FUT9: variants seen among roughly 807,000 people sequenced by gnomAD.
FUT9 encodes 4-galactosyl-N-acetylglucosaminide 3-alpha-L-fucosyltransferase 9.
A neutral mutation model predicts 29.7 loss-of-function variants in FUT9; 15 were observed. The ratio of observed to expected loss-of-function variants is 0.51; its 90% CI spans 0.34 to 0.78. The LOEUF is 0.78. Ranked by LOEUF, FUT9 falls within the 30% of genes least tolerant of loss-of-function variation. The pLI is 0.01. For missense variants in FUT9, 319 were observed against 425.4 expected (o/e 0.75, Z 2.20); for synonymous variants, 169 against 153.7 (o/e 1.10, Z -0.74).
intron 1 of FUT9, among the ~76,000 whole-genome samples, chr6:96,066,306 A>G (rs1160432171): frequency 6.6e-6 from 1 of 151,160 alleles, no homozygotes; most frequent in Non-Finnish European, 1.5e-5. Context: ...ACATTTGTAT[A>G]TCAATATAAT....
Position 96,203,962 on chromosome 6 carries a change from T to G in FUT9, c.807T>G (p.Val269=), listed in dbSNP as rs764222104. 1 of 1,613,722 alleles carries G rather than the reference T, an allele frequency of 6.2e-7. No individual in the cohort carries two copies. Among genetic ancestry groups the G allele is most frequent in the Non-Finnish European group, 8.5e-7 (1 of 1,179,816 alleles). Residue 269 remains valine, a synonymous_variant, in exon 3 of 3, where the codon GTT becomes GTG. Coordinates refer to ENST00000302103, the MANE Select transcript of FUT9 (RefSeq NM_006581.4). ...TTCTGGCTGGCTCTGTACCTGTTGT[T>G]CTGGGACCATCTAGGGAAAACTATG... The part of the protein sequence containing the change: ...NAFLAGSVPV[V]LGPSRENYEN...
At chr6:96,112,616 G>C (rs1186924458) in intron 1 of FUT9, among the ~76,000 whole-genome samples, 4 of 152,178 alleles carry the variant, frequency 2.6e-5, no homozygotes, top group African/African-American at 9.7e-5. Context: ...AAAAATGCAA[G>C]TGTTTGAGGG....
At chr6:96,073,019 GAACA>G (rs559893970) in intron 1 of FUT9, among the ~76,000 whole-genome samples, 4 of 152,282 alleles carry the variant, frequency 2.6e-5, no homozygotes, top group South Asian at 2.1e-4. Context: ...AGATACACAT[GAACA>G]AACAATCAGA....
intron 2 of FUT9, among the ~76,000 whole-genome samples, chr6:96,134,482 G>C (rs1019019629): frequency 7.9e-5 from 12 of 151,808 alleles, no homozygotes; most frequent in African/African-American, 2.9e-4. Flanking sequence ...TGCAAACAAT[G>C]CTCTATTGTT....
intron 1 of FUT9, among the ~76,000 whole-genome samples, chr6:96,021,303 A>G (rs1197379911): frequency 6.6e-6 from 1 of 151,852 alleles, no homozygotes. Context: ...TTTTTGGACA[A>G]TGCAGGAACC....
chr6:96,045,602 A>G (rs1339483838), intron 1 of FUT9, among the ~76,000 whole-genome samples: 1 of 152,204 alleles, frequency 6.6e-6, no homozygotes, highest in African/African-American at 2.4e-5. Flanking sequence ...GATAGCAAAT[A>G]CTATTGAAAT....
At chr6:96,075,975 G>T (rs367565658) in intron 1 of FUT9, among the ~76,000 whole-genome samples, 22 of 152,162 alleles carry the variant, frequency 1.4e-4, no homozygotes, top group African/African-American at 5.3e-4. Flanking sequence ...ATACCAGAAA[G>T]GATAGTTACA....
intron 2 of FUT9, among the ~76,000 whole-genome samples, chr6:96,148,067 G>GC (rs1772607087): frequency 6.6e-6 from 1 of 151,800 alleles, no homozygotes; most frequent in Admixed American, 6.6e-5. Context: ...AAACTGGGCA[G>GC]CCCATGTGCA....
At position 96,074,823 on chromosome 6, in the gene FUT9, C is replaced by A. The variant is rs532241282; in HGVS notation, c.-97-39216C>A. Among the ~76,000 whole-genome samples, 11 of 152,164 alleles carry A rather than the reference C, an allele frequency of 7.2e-5. No homozygotes were observed. The South Asian group carries it at 2.3e-3, about 32-fold the overall frequency. On this transcript the variant is annotated intron_variant, in intron 1 of 2. Coordinates refer to ENST00000302103, the MANE Select transcript of FUT9 (RefSeq NM_006581.4). ...ACAGGGTCTCATTCTGTCTCCCAGG[C>A]TGGAGTGCTGTGGTATGAACACAGC...
At chr6:96,048,527 G>A (rs1012077069) in intron 1 of FUT9, among the ~76,000 whole-genome samples, 1 of 152,190 alleles carries the variant, frequency 6.6e-6, no homozygotes, top group African/African-American at 2.4e-5. Flanking sequence ...TTCCAAATTG[G>A]ACAAAAGGAT....
At chr6:96,190,843 T>C (rs1562158772) in intron 2 of FUT9, among the ~76,000 whole-genome samples, 2 of 152,180 alleles carry the variant, frequency 1.3e-5, no homozygotes, top group African/African-American at 2.4e-5. Context: ...TTCTTTGCGA[T>C]GGGTTCAAAC....
At chr6:96,143,175 G>C (rs1772497551) in intron 2 of FUT9, among the ~76,000 whole-genome samples, 2 of 152,104 alleles carry the variant, frequency 1.3e-5, no homozygotes. Flanking sequence ...CCTTGTTACT[G>C]GTATTAGAGC....
chr6:96,082,591 G>A (rs997062424), intron 1 of FUT9, among the ~76,000 whole-genome samples: 1 of 151,802 alleles, frequency 6.6e-6, no homozygotes, highest in Admixed American at 6.6e-5. Flanking sequence ...TGATACTTGA[G>A]TCTTGGCTAG....
chr6:96,142,821 T>C (rs1349700106), intron 2 of FUT9, among the ~76,000 whole-genome samples: 1 of 152,130 alleles, frequency 6.6e-6, no homozygotes, highest in Non-Finnish European at 1.5e-5. Context: ...TTTATGCTAA[T>C]ATAGGTTTCT....
intron 2 of FUT9, among the ~76,000 whole-genome samples, chr6:96,180,787 C>A (rs906526615): frequency 6.6e-6 from 1 of 152,002 alleles, no homozygotes; most frequent in East Asian, 1.9e-4. Flanking sequence ...TTTTCTATGG[C>A]TAAACAGTAT....
Position 96,043,340 on chromosome 6 carries a change from G to A in FUT9, c.-98+27128G>A, listed in dbSNP as rs1160948819. ...GCTGGGATTACAGGCGTGAGCCACC[G>A]CGCCCAGACGATTGTTGTTTATTCT... On this transcript the variant is annotated intron_variant, in intron 1 of 2. Transcript: ENST00000302103. Among the ~76,000 whole-genome samples the A allele has an allele frequency of 4.6e-5, 7 of 152,162 alleles. No homozygotes were observed. In the East Asian group the frequency reaches 5.8e-4, roughly 13 times the overall value.
chr6:96,088,454 A>G (rs965008124), intron 1 of FUT9, among the ~76,000 whole-genome samples: 3 of 150,142 alleles, frequency 2.0e-5, no homozygotes, highest in Non-Finnish European at 4.4e-5. Flanking sequence ...CTTTCTCCCA[A>G]TTTTTAGGAC....
intron 1 of FUT9, among the ~76,000 whole-genome samples, chr6:96,101,980 A>T (rs11156195): frequency 0.68 from 104,095 of 151,964 alleles, 37,061 homozygotes; most frequent in East Asian, 0.84. Flanking sequence ...TACTTATTTC[A>T]TTTGATATCA....
At chr6:96,094,871 T>G (rs984267078) in intron 1 of FUT9, among the ~76,000 whole-genome samples, 4 of 152,080 alleles carry the variant, frequency 2.6e-5, no homozygotes, top group Non-Finnish European at 4.4e-5. Flanking sequence ...AATAGGTTTT[T>G]GGGGAACAGG....
Sources: gnomAD v4.1 joint callset for allele counts (sites outside exome capture counted in the v4.1 genomes callset) on GRCh38, gnomAD v4.1.1 for gene constraint, MANE v1.5 for transcripts, NCBI Gene and HGNC (gene_info 2026-07-23, HGNC 2026-07-21) for gene names.